The following PAPPA variants were observed in gnomAD, a reference collection of about 807,000 sequenced individuals.
PAPPA encodes the protein pappalysin 1.
PAPPA carries 60 observed loss-of-function variants against 164.0 expected under a neutral mutation model. The ratio of observed to expected loss-of-function variants is 0.37; its 90% CI spans 0.30 to 0.45. The LOEUF (loss-of-function observed/expected upper bound fraction) is 0.45, where lower values mean the gene tolerates loss of function less well. PAPPA is among the 20% of genes least tolerant of loss of function. The pLI, the probability that PAPPA is intolerant of heterozygous loss-of-function variation, is 1.00. For synonymous variants in PAPPA, 875 were observed against 814.1 expected (o/e 1.07, Z -1.27); for missense variants, 1,782 against 2,087.3 (o/e 0.85, Z 2.85).
chr9:116,351,217 C>A (rs1391361939), intron 15 of PAPPA, among the ~76,000 whole-genome samples: 1 of 152,078 alleles, frequency 6.6e-6, no homozygotes, highest in African/African-American at 2.4e-5. Context: ...TTATTTTGTT[C>A]ACTGCTTTGC....
chr9:116,208,137 C>T (rs1365488602), intron 3 of PAPPA, among the ~76,000 whole-genome samples: 4 of 152,218 alleles, frequency 2.6e-5, no homozygotes, highest in Admixed American at 1.3e-4. Flanking sequence ...TCAAATTATA[C>T]ATATCCATAA....
chr9:116,161,157 T>C (rs1213262855), intron 1 of PAPPA, among the ~76,000 whole-genome samples: 1 of 152,192 alleles, frequency 6.6e-6, no homozygotes, highest in Non-Finnish European at 1.5e-5. Flanking sequence ...AAGGTGCTTT[T>C]ATTATGATCA....
At chr9:116,292,976 G>A (rs1425173038) in intron 9 of PAPPA, among the ~76,000 whole-genome samples, 1 of 152,080 alleles carries the variant, frequency 6.6e-6, no homozygotes, top group East Asian at 1.9e-4. Flanking sequence ...GACAGGAGGG[G>A]GCTACTTCTT....
chr9:116,243,653 A>G (rs555954373), intron 7 of PAPPA, among the ~76,000 whole-genome samples: 1 of 152,324 alleles, frequency 6.6e-6, no homozygotes, highest in South Asian at 2.1e-4. Context: ...GAGAAAATGA[A>G]TACTAAAATT....
At chr9:116,184,051 G>A (rs1310837507) in intron 1 of PAPPA, among the ~76,000 whole-genome samples, 1 of 152,168 alleles carries the variant, frequency 6.6e-6, no homozygotes, top group African/African-American at 2.4e-5. Flanking sequence ...GAGGGAAAAA[G>A]GATCTTGTTT....
chr9:116,394,869 G>A (rs1440833056), intron 21 of PAPPA, among the ~76,000 whole-genome samples: 2 of 152,136 alleles, frequency 1.3e-5, no homozygotes, highest in Admixed American at 1.3e-4. Context: ...GAGAGAGATG[G>A]ATCAATGAAT....
intron 7 of PAPPA, among the ~76,000 whole-genome samples, chr9:116,255,874 T>G (rs1173252578): frequency 6.6e-6 from 1 of 151,944 alleles, no homozygotes; most frequent in Non-Finnish European, 1.5e-5. Flanking sequence ...ATGATTTGAT[T>G]TAACTGTCAT....
At chr9:116,295,292 C>G (rs1445829937) in intron 9 of PAPPA, among the ~76,000 whole-genome samples, 3 of 152,200 alleles carry the variant, frequency 2.0e-5, no homozygotes, top group African/African-American at 7.2e-5. Context: ...TGGCTCACAC[C>G]TGTAATCCCA....
intron 1 of PAPPA, among the ~76,000 whole-genome samples, chr9:116,181,196 T>C (rs1843900518): frequency 6.6e-6 from 1 of 152,218 alleles, no homozygotes; most frequent in Non-Finnish European, 1.5e-5. Flanking sequence ...TGAATGATGG[T>C]TTGCTAGGGC....
intron 1 of PAPPA, among the ~76,000 whole-genome samples, chr9:116,165,401 A>C (rs1843709556): frequency 6.6e-6 from 1 of 152,184 alleles, no homozygotes; most frequent in Non-Finnish European, 1.5e-5. Flanking sequence ...GGTTGGTGTC[A>C]CCCACTCTAC....
intron 7 of PAPPA, among the ~76,000 whole-genome samples, chr9:116,263,904 C>T (rs950769177): frequency 1.3e-5 from 2 of 152,150 alleles, no homozygotes; most frequent in African/African-American, 2.4e-5. Context: ...AAGTGAAAAA[C>T]ACAATGTAGA....
At chr9:116,268,351 C>T (rs1845096091) in intron 8 of PAPPA, among the ~76,000 whole-genome samples, 1 of 152,180 alleles carries the variant, frequency 6.6e-6, no homozygotes, top group Non-Finnish European at 1.5e-5. Flanking sequence ...ACATCAAATT[C>T]CAGCTTTTGA....
chr9:116,199,458 T>A (rs1844145794), intron 2 of PAPPA, among the ~76,000 whole-genome samples: 1 of 152,182 alleles, frequency 6.6e-6, no homozygotes, highest in African/African-American at 2.4e-5. Flanking sequence ...ATACCACTAC[T>A]TCTTATATAC....
chr9:116,401,208 T>C lies in PAPPA; in HGVS notation c.*4592T>C, dbSNP rs920082622. 6.6e-6 allele frequency: 1 copy of C among 152,618 alleles called. No homozygotes were observed. The highest frequency in any genetic ancestry group is 1.5e-5 in the Non-Finnish European group (1 of 68,044). 9.5% of individuals were successfully genotyped at this position (152,618 alleles called of 1,614,324 possible). The stretch of plus-strand genomic sequence containing the variant: ...TTGATCTTACCCTTTACCAGTTCTA[T>C]AATTTGGTTAAAAGCTGATTATGTC... On this transcript the variant is annotated 3_prime_UTR_variant, in exon 22 of 22. Transcript: ENST00000328252.
intron 21 of PAPPA, among the ~76,000 whole-genome samples, chr9:116,386,418 T>C (rs762374520): frequency 3.3e-5 from 5 of 152,336 alleles, no homozygotes; most frequent in Non-Finnish European, 5.9e-5. Flanking sequence ...AAGTGAACTA[T>C]TGCATATTTC....
intron 2 of PAPPA, 60 bp downstream of exon 2, chr9:116,188,276 T>C: frequency 7.8e-7 from 1 of 1,289,954 alleles, no homozygotes; most frequent in Non-Finnish European, 1.1e-6. Context: ...TCCTCCATAT[T>C]ATAGATAAGG....
intron 12 of PAPPA, among the ~76,000 whole-genome samples, chr9:116,334,634 A>G (rs1187332658): frequency 3.3e-5 from 5 of 151,744 alleles, no homozygotes; most frequent in Non-Finnish European, 1.5e-5. Flanking sequence ...GGTGAAGGGG[A>G]AGCTTAGGGG....
intron 10 of PAPPA, among the ~76,000 whole-genome samples, chr9:116,306,789 CT>C (rs930960891): frequency 4.8e-4 from 73 of 152,224 alleles, no homozygotes; most frequent in African/African-American, 1.7e-3. Flanking sequence ...ATATTCCTTC[CT>C]TTTACCCCGG....
intron 10 of PAPPA, chr9:116,316,662 C>A (rs1225596816): frequency 6.6e-6 from 1 of 152,192 alleles, no homozygotes; most frequent in Non-Finnish European, 1.5e-5. Context: ...GAGGGGCAGG[C>A]CAGGGAGAAA....
Sources: gnomAD v4.1 joint callset for allele counts (sites outside exome capture counted in the v4.1 genomes callset) on GRCh38, gnomAD v4.1.1 for gene constraint, MANE v1.5 for transcripts, NCBI Gene and HGNC (gene_info 2026-07-23, HGNC 2026-07-21) for gene names.